The following TCF4 variants were observed in gnomAD, a reference collection of about 807,000 sequenced individuals.
The protein encoded by TCF4 is transcription factor 4.
In TCF4, 3 loss-of-function variants were observed where a neutral mutation model predicts 82.1. The observed-to-expected ratio is 0.04, with a 90% CI of 0.02 to 0.09. The LOEUF (loss-of-function observed/expected upper bound fraction) is 0.09, where lower values mean the gene tolerates loss of function less well. Ranked by LOEUF, TCF4 falls within the 10% of genes least tolerant of loss-of-function variation. The probability of loss-of-function intolerance (pLI) is 1.00; values close to 1 mark genes in which losing one functional copy is unlikely to be tolerated. For synonymous variants in TCF4, 276 were observed against 309.6 expected, an observed-to-expected ratio of 0.89 and a Z score of 1.14; for missense variants, 518 against 852.7, an observed-to-expected ratio of 0.61 and a Z score of 4.89.
intron 8 of TCF4, among the ~76,000 whole-genome samples, chr18:55,306,312 G>T (rs2070322055): frequency 1.3e-5 from 2 of 152,106 alleles, no homozygotes; most frequent in South Asian, 4.1e-4. Flanking sequence ...AGAAACCACA[G>T]CTATACAAGC....
At chr18:55,349,577 A>T (rs2081918709) in intron 8 of TCF4, among the ~76,000 whole-genome samples, 2 of 152,154 alleles carry the variant, frequency 1.3e-5, no homozygotes, top group Non-Finnish European at 1.5e-5. Flanking sequence ...GGATAAAGAA[A>T]CAAAGAAAGA....
intron 2 of TCF4, 177 bp downstream of exon 2, chr18:55,586,868 A>G (rs760671043): frequency 3.2e-5 from 19 of 584,910 alleles, no homozygotes; most frequent in Middle Eastern, 9.5e-4. Flanking sequence ...TGAATCTTCC[A>G]TCACACCACA....
In TCF4 at chr18:55,297,762, A is replaced by T. The variant is rs193010871; in HGVS notation, c.550-18106T>A. 3.8e-3 allele frequency among the ~76,000 whole-genome samples: 584 copies of T among 152,212 alleles called. 7 individuals carry two copies. The highest frequency in any genetic ancestry group is 0.014 in the African/African-American group (568 of 41,560). On this transcript the variant is annotated intron_variant, in intron 8 of 19. Transcript: ENST00000354452. ...GAATAACTACAAACAAAAAACAAAA[A>T]CAACAAAAAAAGAAGCAAACAAAAA...
intron 3 of TCF4, among the ~76,000 whole-genome samples, chr18:55,568,150 T>C (rs1336773841): frequency 2.0e-5 from 3 of 147,432 alleles, no homozygotes. Context: ...GTGCACTAAG[T>C]AGTCAACTCT....
intron 8 of TCF4, among the ~76,000 whole-genome samples, chr18:55,324,803 G>C (rs766621245): frequency 6.6e-6 from 1 of 152,066 alleles, no homozygotes; most frequent in Non-Finnish European, 1.5e-5. Context: ...GGACACTGGG[G>C]GTAGGCAATG....
At chr18:55,478,653 A>G (rs997146298) in intron 3 of TCF4, among the ~76,000 whole-genome samples, 7 of 151,978 alleles carry the variant, frequency 4.6e-5, no homozygotes, top group Non-Finnish European at 7.3e-5. Flanking sequence ...ATATACAGCC[A>G]TGCAAAACAA....
intron 15 of TCF4, 26 bp downstream of exon 15, chr18:55,254,471 T>C (rs368856144): frequency 1.8e-4 from 281 of 1,605,648 alleles, no homozygotes; most frequent in Non-Finnish European, 2.3e-4. Flanking sequence ...ATGATAACTA[T>C]AGAGTCTATA....
intron 2 of TCF4, among the ~76,000 whole-genome samples, chr18:55,603,892 T>C (rs1029448032): frequency 2.6e-5 from 4 of 152,146 alleles, no homozygotes; most frequent in Non-Finnish European, 4.4e-5. Context: ...GAGCTCTGGG[T>C]TGAATAGCTC....
At chr18:55,468,426 G>C (rs555855653) in intron 3 of TCF4, among the ~76,000 whole-genome samples, 1 of 152,176 alleles carries the variant, frequency 6.6e-6, no homozygotes, top group Non-Finnish European at 1.5e-5. Flanking sequence ...GAAAATATCT[G>C]TGAGCTCCCA....
intron 3 of TCF4, among the ~76,000 whole-genome samples, chr18:55,529,773 G>A (rs187426338): frequency 6.6e-6 from 1 of 152,196 alleles, no homozygotes; most frequent in East Asian, 1.9e-4. Context: ...CTCTTGACCA[G>A]GGAGAAAGGA....
At chr18:55,251,044 C>CA (rs1399941765) in intron 15 of TCF4, among the ~76,000 whole-genome samples, 1 of 152,104 alleles carries the variant, frequency 6.6e-6, no homozygotes, top group Non-Finnish European at 1.5e-5. Flanking sequence ...CAAAGAGATA[C>CA]AAAAGTTCCG....
chr18:55,229,826 TATCA>T (rs901130259), intron 17 of TCF4: 10 of 152,292 alleles, frequency 6.6e-5, no homozygotes, highest in Admixed American at 5.2e-4. Flanking sequence ...CCTGAACTGA[TATCA>T]GTCATGCAAA....
chr18:55,275,261 T>C (rs2061236655), intron 10 of TCF4, among the ~76,000 whole-genome samples: 1 of 118,056 alleles, frequency 8.5e-6, no homozygotes, highest in Non-Finnish European at 1.7e-5. Context: ...GTACATCTTT[T>C]GAAACTACAG....
At chr18:55,625,745 A>C (rs1351588760) in intron 2 of TCF4, among the ~76,000 whole-genome samples, 1 of 152,212 alleles carries the variant, frequency 6.6e-6, no homozygotes, top group Non-Finnish European at 1.5e-5. Context: ...TTGCAGTAAA[A>C]TTCAACAGTT....
At chr18:55,468,991 T>C (rs2145119378) in intron 3 of TCF4, among the ~76,000 whole-genome samples, 1 of 151,316 alleles carries the variant, frequency 6.6e-6, no homozygotes, top group East Asian at 2.0e-4. Flanking sequence ...TGATAGAAAT[T>C]CCTGTTCCAA....
chr18:55,532,770 A>G (rs1438478172), intron 3 of TCF4, among the ~76,000 whole-genome samples: 3 of 152,212 alleles, frequency 2.0e-5, no homozygotes, highest in Admixed American at 6.5e-5. Flanking sequence ...AAGAGTTCAC[A>G]GAAATGCCAT....
chr18:55,276,222 T>C (rs984638055), intron 9 of TCF4, among the ~76,000 whole-genome samples: 1 of 152,190 alleles, frequency 6.6e-6, no homozygotes, highest in East Asian at 1.9e-4. Context: ...TTTAATTTCA[T>C]TTTTAACATA....
At chr18:55,405,013 G>A (rs538371372) in intron 5 of TCF4, among the ~76,000 whole-genome samples, 2 of 152,324 alleles carry the variant, frequency 1.3e-5, no homozygotes, top group East Asian at 1.9e-4. Context: ...AGACACCATC[G>A]CACAGACTGT....
intron 3 of TCF4, among the ~76,000 whole-genome samples, chr18:55,514,675 C>T (rs189760009): frequency 1.3e-4 from 20 of 152,088 alleles, no homozygotes; most frequent in Non-Finnish European, 2.2e-4. Context: ...TCAGGGCAGC[C>T]GCAGCATTTG....
Sources: allele counts gnomAD v4.1 joint callset (sites outside exome capture counted in the v4.1 genomes callset), GRCh38; gene constraint gnomAD v4.1.1; transcripts MANE v1.5; gene names NCBI Gene and HGNC (gene_info 2026-07-23, HGNC 2026-07-21).